HTR7: variants seen among roughly 807,000 people sequenced by gnomAD.
HTR7 encodes 5-hydroxytryptamine receptor 7, also known as 5-HT-7.
A neutral mutation model predicts 34.0 loss-of-function variants in HTR7; 16 were observed. That is an observed-to-expected ratio of 0.47 (90% CI 0.32 to 0.71). HTR7 has a LOEUF of 0.71. Among genes scored for constraint, HTR7 ranks in the 30% least tolerant of loss-of-function variants. The pLI is 0.04. For synonymous variants in HTR7, 265 were observed against 260.2 expected (o/e 1.02, Z -0.18); for missense variants, 504 against 625.5 (o/e 0.81, Z 2.07).
rs751592867 is a variant in HTR7, at chr10:90,749,131, C to T, written c.1003G>A (p.Ala335Thr). 4 of 1,614,014 alleles carry T rather than the reference C, an allele frequency of 2.5e-6. No homozygotes were observed. Among genetic ancestry groups the T allele is most frequent in the South Asian group, 1.1e-5 (1 of 91,086 alleles). ...AATTLGIIVG[A>T]FTVCWLPFFL... is the part of the protein sequence containing the mutation. Reference sequence around the variant, plus strand: ...AATGGCAGCCAGCACACGGTAAAGGCCCCGACGATGATCCCCAGGGTGGTG... The same window carrying T: ...AATGGCAGCCAGCACACGGTAAAGGTCCCGACGATGATCCCCAGGGTGGTG... Residue 335 changes from alanine (A) to threonine (T), a missense_variant, in exon 2 of 4, where the codon GCC becomes ACC. Around this residue, in one of 4 missense-constraint regions of HTR7, gnomAD observed 154 missense variants for 212.1 expected, o/e 0.73. Coordinates refer to ENST00000336152, the MANE Select transcript of HTR7 (RefSeq NM_019859.4). This position sits in a 1 kb window ranked among gnomAD's most constrained non-coding sequence, Gnocchi z 4.2.
chr10:90,800,357 T>A (rs1408591067), intron 1 of HTR7, among the ~76,000 whole-genome samples: 2 of 152,116 alleles, frequency 1.3e-5, no homozygotes, highest in African/African-American at 4.8e-5. Context: ...ACTGACTGAA[T>A]AGAACCCCTC....
At chr10:90,840,917 G>A (rs1320687841) in intron 1 of HTR7, among the ~76,000 whole-genome samples, 2 of 152,114 alleles carry the variant, frequency 1.3e-5, no homozygotes, top group East Asian at 1.9e-4. Context: ...TGACTCCAAG[G>A]CCTGGGCAGT....
chr10:90,769,345 C>T (rs1273139406), intron 1 of HTR7, among the ~76,000 whole-genome samples: 1 of 152,212 alleles, frequency 6.6e-6, no homozygotes, highest in Admixed American at 6.5e-5. Context: ...TTACTCTATA[C>T]TCTCTTTCCT....
chr10:90,766,875 G>A (rs74148847), intron 1 of HTR7, among the ~76,000 whole-genome samples: 3,213 of 152,308 alleles, frequency 0.021, 109 homozygotes, highest in African/African-American at 0.074. Flanking sequence ...ACTCAGTCCA[G>A]CCTATGGTTC....
chr10:90,765,974 T>C (rs1409947735), intron 1 of HTR7, among the ~76,000 whole-genome samples: 1 of 152,234 alleles, frequency 6.6e-6, no homozygotes, highest in Non-Finnish European at 1.5e-5. Flanking sequence ...TGTGTGTGCT[T>C]GAGAAGAATG....
At chr10:90,781,072 A>C (rs530448973) in intron 1 of HTR7, among the ~76,000 whole-genome samples, 19 of 152,350 alleles carry the variant, frequency 1.2e-4, no homozygotes, top group African/African-American at 4.3e-4. Context: ...AATGCAAAAT[A>C]GTATGAATTG....
At chr10:90,795,266 A>G (rs1192736135) in intron 1 of HTR7, among the ~76,000 whole-genome samples, 7 of 152,202 alleles carry the variant, frequency 4.6e-5, no homozygotes, top group African/African-American at 1.7e-4. Flanking sequence ...CAATTTACAA[A>G]CCAACAACAA....
intron 1 of HTR7, among the ~76,000 whole-genome samples, chr10:90,829,225 A>C (rs1413988784): frequency 6.6e-6 from 1 of 152,208 alleles, no homozygotes; most frequent in East Asian, 1.9e-4. Context: ...ACCCTCAAAA[A>C]ACTGAGTGTA....
chr10:90,822,318 C>T (rs2120015300), intron 1 of HTR7, among the ~76,000 whole-genome samples: 1 of 152,308 alleles, frequency 6.6e-6, no homozygotes, highest in East Asian at 1.9e-4. Context: ...GTCACACTTG[C>T]CATGCTTTAG....
intron 1 of HTR7, among the ~76,000 whole-genome samples, chr10:90,825,590 A>G (rs1304100792): frequency 6.6e-6 from 1 of 152,228 alleles, no homozygotes; most frequent in African/African-American, 2.4e-5. Context: ...TTTTGAGAAA[A>G]CTCAATGAAA....
At chr10:90,787,589 G>A (rs1285910775) in intron 1 of HTR7, among the ~76,000 whole-genome samples, 1 of 152,158 alleles carries the variant, frequency 6.6e-6, no homozygotes, top group Non-Finnish European at 1.5e-5. Flanking sequence ...GTCAGCTATA[G>A]TGCTAAGTGC....
intron 1 of HTR7, among the ~76,000 whole-genome samples, chr10:90,848,477 C>T (rs1435945699): frequency 1.3e-5 from 2 of 152,150 alleles, no homozygotes; most frequent in Non-Finnish European, 2.9e-5. Flanking sequence ...TGAATGGAAT[C>T]ACATATGTAT....
intron 1 of HTR7, among the ~76,000 whole-genome samples, chr10:90,807,879 A>G (rs1589459221): frequency 6.6e-6 from 1 of 152,262 alleles, no homozygotes; most frequent in East Asian, 1.9e-4. Context: ...CACCAATTTT[A>G]AATCGAGTAA....
chr10:90,802,914 G>T (rs1043104711), intron 1 of HTR7, among the ~76,000 whole-genome samples: 21 of 151,148 alleles, frequency 1.4e-4, no homozygotes, highest in Non-Finnish European at 2.7e-4. Context: ...TTGGGCCTTT[G>T]TGTGTAGATG....
chr10:90,839,753 T>C lies in HTR7; in HGVS notation c.539+17380A>G, dbSNP rs147310425. Among the ~76,000 whole-genome samples, 569 of 152,232 alleles carry C rather than the reference T, an allele frequency of 3.7e-3. 5 individuals carry two copies. Among genetic ancestry groups the C allele is most frequent in the African/African-American group, 0.013 (531 of 41,540 alleles). On this transcript the variant is annotated intron_variant, in intron 1 of 3. Transcript: ENST00000336152. ...GAAGTCTTCAGGCACAAAAAGGCTGTTGGAAAACAGACCAGAGAATACCAG... is the reference window on the plus strand; with the variant it reads ...GAAGTCTTCAGGCACAAAAAGGCTGCTGGAAAACAGACCAGAGAATACCAG...
intron 1 of HTR7, among the ~76,000 whole-genome samples, chr10:90,816,992 GT>G (rs1406866825): frequency 6.6e-6 from 1 of 152,190 alleles, no homozygotes; most frequent in African/African-American, 2.4e-5. Flanking sequence ...TGGCTGTTAA[GT>G]TTTTTGGCTC....
intron 1 of HTR7, among the ~76,000 whole-genome samples, chr10:90,767,208 C>T (rs1386645933): frequency 6.6e-6 from 1 of 152,104 alleles, no homozygotes; most frequent in African/African-American, 2.4e-5. Context: ...CTGGGTTCCA[C>T]AGATGGGTGG....
chr10:90,791,098 C>T (rs1276593730), intron 1 of HTR7, among the ~76,000 whole-genome samples: 1 of 151,998 alleles, frequency 6.6e-6, no homozygotes, highest in Non-Finnish European at 1.5e-5. Flanking sequence ...GGGCAGGGTT[C>T]AGAAAACTTT....
At chr10:90,802,191 T>C (rs943482845) in intron 1 of HTR7, among the ~76,000 whole-genome samples, 5 of 152,244 alleles carry the variant, frequency 3.3e-5, no homozygotes, top group African/African-American at 9.6e-5. Context: ...TCTTGTTTTA[T>C]GTGCTTGGGT....
Sources: gnomAD v4.1 joint callset for allele counts (sites outside exome capture counted in the v4.1 genomes callset) on GRCh38, gnomAD v4.1.1 for gene constraint, gnomAD v4.1.1 regional missense constraint, Gnocchi (gnomAD v3.1) non-coding constraint, MANE v1.5 for transcripts, NCBI Gene and HGNC (gene_info 2026-07-23, HGNC 2026-07-21) for gene names.